EML4: variants seen among roughly 807,000 people sequenced by gnomAD.
EML4 encodes the protein EMAP like 4, also known as echinoderm microtubule-associated protein-like 4.
EML4 carries 72 observed loss-of-function variants against 129.0 expected under a neutral mutation model. The ratio of observed to expected loss-of-function variants is 0.56; its 90% CI spans 0.46 to 0.68. The LOEUF is 0.68. EML4 is among the 30% of genes least tolerant of loss of function. The probability of loss-of-function intolerance (pLI) is 0.00; values close to 1 mark genes in which losing one functional copy is unlikely to be tolerated. For synonymous variants in EML4, 532 were observed against 405.0 expected, an observed-to-expected ratio of 1.31 and a Z score of -3.77; for missense variants, 1,363 against 1,190.6, an observed-to-expected ratio of 1.14 and a Z score of -2.13.
chr2:42,273,617 A>C (rs1666493632), intron 6 of EML4, among the ~76,000 whole-genome samples: 1 of 152,156 alleles, frequency 6.6e-6, no homozygotes. Flanking sequence ...GTAATTAAAA[A>C]TTCAGGAAAT....
At chr2:42,259,854 C>T (rs1254502328) in intron 3 of EML4, among the ~76,000 whole-genome samples, 1 of 150,940 alleles carries the variant, frequency 6.6e-6, no homozygotes. Context: ...CTCAACCTCC[C>T]AAGTAGCTGG....
At chr2:42,303,694 G>A (rs1668430535) in intron 16 of EML4, among the ~76,000 whole-genome samples, 1 of 152,216 alleles carries the variant, frequency 6.6e-6, no homozygotes, top group African/African-American at 2.4e-5. Flanking sequence ...GGGAGGCCCA[G>A]GCAGGCGGAT....
At chr2:42,238,540 C>G (rs548324330) in intron 1 of EML4, among the ~76,000 whole-genome samples, 2 of 152,200 alleles carry the variant, frequency 1.3e-5, no homozygotes, top group East Asian at 3.9e-4. Context: ...GATGGGAATT[C>G]AAGACCAGCT....
intron 20 of EML4, 111 bp downstream of exon 20, chr2:42,325,665 T>C (rs1200629322): frequency 4.3e-6 from 1 of 234,744 alleles, no homozygotes; most frequent in East Asian, 8.5e-5. Flanking sequence ...TCAGGGGCGC[T>C]AATGAACAGG....
At chr2:42,188,164 C>G (rs1572847796) in intron 1 of EML4, among the ~76,000 whole-genome samples, 3 of 152,022 alleles carry the variant, frequency 2.0e-5, no homozygotes, top group Admixed American at 2.0e-4. Context: ...GAGTTCTGCA[C>G]TCTGTATTCT....
At chr2:42,202,720 G>A (rs1672304054) in intron 1 of EML4, among the ~76,000 whole-genome samples, 1 of 152,138 alleles carries the variant, frequency 6.6e-6, no homozygotes, top group African/African-American at 2.4e-5. Flanking sequence ...ATTAGATTGT[G>A]CCCACCCCGA....
intron 1 of EML4, among the ~76,000 whole-genome samples, chr2:42,180,976 A>T (rs1000142260): frequency 5.9e-5 from 9 of 152,180 alleles, no homozygotes; most frequent in Non-Finnish European, 1.3e-4. Flanking sequence ...TCCTGATTAG[A>T]TTCAAATTAT....
chr2:42,235,328 C>T (rs369510495), intron 1 of EML4, among the ~76,000 whole-genome samples: 3 of 150,984 alleles, frequency 2.0e-5, no homozygotes, highest in Admixed American at 6.6e-5. Flanking sequence ...AGCATGGTGG[C>T]GTGCACCTGT....
At chr2:42,215,446 A>G (rs1572558461) in intron 1 of EML4, among the ~76,000 whole-genome samples, 1 of 152,262 alleles carries the variant, frequency 6.6e-6, no homozygotes, top group African/African-American at 2.4e-5. Flanking sequence ...TGTACCTATA[A>G]AAGCTTCCAG....
chr2:42,302,482 C>T (rs889131591), intron 14 of EML4, among the ~76,000 whole-genome samples: 1 of 151,556 alleles, frequency 6.6e-6, no homozygotes, highest in African/African-American at 2.4e-5. Flanking sequence ...TAATAAGTAA[C>T]AAAACCCGAC....
intron 9 of EML4, 40 bp from the exon 10 acceptor site, chr2:42,286,229 T>C: frequency 8.7e-7 from 1 of 1,144,512 alleles, no homozygotes; most frequent in Admixed American, 1.7e-5. Context: ...TTTATTTGCA[T>C]CCACCTGTCC....
At chr2:42,243,325 C>T (rs967133787) in intron 1 of EML4, among the ~76,000 whole-genome samples, 3 of 151,414 alleles carry the variant, frequency 2.0e-5, no homozygotes, top group African/African-American at 7.3e-5. Flanking sequence ...GAATATAGAT[C>T]AGCTAGAATT....
At chr2:42,264,103 G>GTTTTTTTTTT (rs9309080) in intron 5 of EML4, among the ~76,000 whole-genome samples, 2 of 100,748 alleles carry the variant, frequency 2.0e-5, no homozygotes, top group Non-Finnish European at 3.9e-5. Context: ...AACAATACGT[G>GTTTTTTTTTT]TTTTTTTTTT....
At chr2:42,311,486 T>G (rs2103766633) in intron 17 of EML4, among the ~76,000 whole-genome samples, 2 of 152,128 alleles carry the variant, frequency 1.3e-5, no homozygotes, top group South Asian at 4.2e-4. Context: ...GCCTGGGAGG[T>G]TGAGGCTGCA....
At chr2:42,278,506 G>A (rs375866631) in intron 6 of EML4, among the ~76,000 whole-genome samples, 3 of 150,728 alleles carry the variant, frequency 2.0e-5, no homozygotes, top group African/African-American at 4.9e-5. Context: ...CCCGGGTGGC[G>A]GAGGTTGCGG....
intron 1 of EML4, among the ~76,000 whole-genome samples, chr2:42,215,886 G>GATCT (rs1228482192): frequency 6.6e-6 from 1 of 151,986 alleles, no homozygotes; most frequent in African/African-American, 2.4e-5. Flanking sequence ...GTGTCACTAA[G>GATCT]ATCTTTGTAA....
intron 3 of EML4, among the ~76,000 whole-genome samples, chr2:42,257,448 C>T (rs908422107): frequency 1.3e-5 from 2 of 151,826 alleles, no homozygotes; most frequent in African/African-American, 4.8e-5. Flanking sequence ...TGCTAGTGAC[C>T]GAATTATTCA....
chr2:42,182,534 C>T (rs1001436184), intron 1 of EML4, among the ~76,000 whole-genome samples: 6 of 152,200 alleles, frequency 3.9e-5, no homozygotes, highest in Admixed American at 3.3e-4. Context: ...TTGCCTTGCA[C>T]TGGCTGCCTT....
intron 1 of EML4, among the ~76,000 whole-genome samples, chr2:42,199,303 C>A (rs998151768): frequency 6.6e-6 from 1 of 152,088 alleles, no homozygotes; most frequent in Non-Finnish European, 1.5e-5. Context: ...AGGAGAGCAG[C>A]TAGGATGTTC....
Sources: gnomAD v4.1 joint callset for allele counts (sites outside exome capture counted in the v4.1 genomes callset) on GRCh38, gnomAD v4.1.1 for gene constraint, MANE v1.5 for transcripts, NCBI Gene and HGNC (gene_info 2026-07-23, HGNC 2026-07-21) for gene names.